The following ZRANB3 variants were observed in gnomAD, a reference collection of about 807,000 sequenced individuals.
ZRANB3 encodes the protein zinc finger RANBP2-type containing 3.
A neutral mutation model predicts 133.8 loss-of-function variants in ZRANB3; 125 were observed. That is an observed-to-expected ratio of 0.93 (90% CI 0.81 to 1.08). ZRANB3 has a LOEUF of 1.08. Among genes scored for constraint, ZRANB3 ranks in the 50% least tolerant of loss-of-function variants. The pLI is 0.00. For synonymous variants in ZRANB3, 387 were observed against 432.7 expected (o/e 0.89, Z 1.31); for missense variants, 1,229 against 1,275.5 (o/e 0.96, Z 0.56).
At chr2:135,504,892 C>T (rs1486458065) in intron 1 of ZRANB3, among the ~76,000 whole-genome samples, 1 of 152,208 alleles carries the variant, frequency 6.6e-6, no homozygotes, top group Non-Finnish European at 1.5e-5. Flanking sequence ...TATGGATCCA[C>T]ATTTTCATAT....
At chr2:135,265,984 C>T (rs929760656) in intron 11 of ZRANB3, among the ~76,000 whole-genome samples, 4 of 151,972 alleles carry the variant, frequency 2.6e-5, no homozygotes, top group African/African-American at 4.8e-5. Context: ...CCAAGGGGGG[C>T]GATCACCTGA....
intron 6 of ZRANB3, among the ~76,000 whole-genome samples, chr2:135,343,916 TG>T: frequency 6.6e-6 from 1 of 151,120 alleles, no homozygotes. Context: ...GACACTAAGC[TG>T]GTGGAAATAT....
At chr2:135,257,854 C>T (rs542992737) in intron 12 of ZRANB3, among the ~76,000 whole-genome samples, 1 of 152,280 alleles carries the variant, frequency 6.6e-6, no homozygotes, top group South Asian at 2.1e-4. Context: ...GAGAACAGAC[C>T]TTGAAGCAGA....
At chr2:135,231,613 A>C (rs990048689) in intron 12 of ZRANB3, among the ~76,000 whole-genome samples, 10 of 152,086 alleles carry the variant, frequency 6.6e-5, no homozygotes, top group Non-Finnish European at 2.9e-5. Context: ...ACACAAAAAA[A>C]CAAAAAACAA....
intron 2 of ZRANB3, among the ~76,000 whole-genome samples, chr2:135,408,795 A>G (rs1362849246): frequency 6.6e-6 from 1 of 151,928 alleles, no homozygotes; most frequent in East Asian, 1.9e-4. Context: ...TGGAGACAGG[A>G]AGGGGAACAT....
rs112863990 is a variant in ZRANB3, at chr2:135,339,754, T to A, written c.677+5796A>T. 3.7e-4 allele frequency among the ~76,000 whole-genome samples: 57 copies of A among 152,384 alleles called. 1 individual carries two copies. The highest frequency in any genetic ancestry group is 1.2e-3 in the African/African-American group (52 of 41,602). On this transcript the variant is annotated intron_variant, in intron 6 of 20. Coordinates refer to ENST00000264159, the MANE Select transcript of ZRANB3 (RefSeq NM_032143.4). ...TTCAATTTAAATTCCTCTTATCAAT[T>A]AGATTTATGCAGTTAAAACCTATTT... is the stretch of plus-strand genomic sequence containing the variant.
At chr2:135,258,707 C>A (rs1679787974) in intron 12 of ZRANB3, among the ~76,000 whole-genome samples, 1 of 152,114 alleles carries the variant, frequency 6.6e-6, no homozygotes, top group African/African-American at 2.4e-5. Flanking sequence ...ATAATAATTA[C>A]AAAGTGCTTT....
intron 5 of ZRANB3, among the ~76,000 whole-genome samples, chr2:135,347,510 C>A (rs1684995637): frequency 6.6e-6 from 1 of 152,032 alleles, no homozygotes; most frequent in Non-Finnish European, 1.5e-5. Context: ...TCTTGATCTC[C>A]TGACCTCGTG....
chr2:135,457,050 A>G (rs1437401350), intron 2 of ZRANB3, among the ~76,000 whole-genome samples: 5 of 152,214 alleles, frequency 3.3e-5, no homozygotes, highest in African/African-American at 1.2e-4. Flanking sequence ...ATTCCAGGAC[A>G]TTTCATAAAT....
At chr2:135,309,181 C>T (rs1573882554) in intron 8 of ZRANB3, among the ~76,000 whole-genome samples, 1 of 151,956 alleles carries the variant, frequency 6.6e-6, no homozygotes, top group East Asian at 1.9e-4. Flanking sequence ...CGGGGTTTCA[C>T]CGTGTTAGCC....
chr2:135,323,369 T>A (rs1683637122), intron 6 of ZRANB3, among the ~76,000 whole-genome samples: 1 of 152,138 alleles, frequency 6.6e-6, no homozygotes, highest in Non-Finnish European at 1.5e-5. Context: ...GGGGACACAA[T>A]CTAATTGTTA....
intron 2 of ZRANB3, among the ~76,000 whole-genome samples, chr2:135,416,985 T>C (rs1688608218): frequency 6.6e-6 from 1 of 152,128 alleles, no homozygotes; most frequent in African/African-American, 2.4e-5. Context: ...CTTACCACGT[T>C]AGACCTAAAA....
chr2:135,486,808 C>T (rs563294239), intron 2 of ZRANB3, among the ~76,000 whole-genome samples: 3 of 152,240 alleles, frequency 2.0e-5, no homozygotes, highest in South Asian at 4.1e-4. Flanking sequence ...CCACTGCACC[C>T]GGTCCCCTCT....
chr2:135,510,477 G>C (rs534461904), intron 1 of ZRANB3: 14 of 530,550 alleles, frequency 2.6e-5, no homozygotes, highest in Middle Eastern at 9.2e-4. Flanking sequence ...GATACCAAAG[G>C]CTGGTCAAAG....
chr2:135,198,795 C>T lies in ZRANB3; in HGVS notation c.*1547G>A, dbSNP rs1233882966. Reference sequence around the variant, plus strand: ...CCAACTTCATTTATAAAATAACCAACATGACTTGATCTCATACAATGAAAT... The same window carrying T: ...CCAACTTCATTTATAAAATAACCAATATGACTTGATCTCATACAATGAAAT... On this transcript the variant is annotated 3_prime_UTR_variant, in exon 21 of 21. Transcript: ENST00000264159. 1 of 152,214 alleles carries T rather than the reference C, an allele frequency of 6.6e-6. No homozygotes were observed. The highest frequency in any genetic ancestry group is 1.5e-5 in the Non-Finnish European group (1 of 68,026). 9.4% of individuals were successfully genotyped at this position (152,214 alleles called of 1,614,324 possible). A position where few individuals can be genotyped will look rare whatever the true frequency, so the allele number is the denominator to read the frequency against.
At chr2:135,301,780 A>G (rs1389270756) in intron 8 of ZRANB3, among the ~76,000 whole-genome samples, 1 of 152,116 alleles carries the variant, frequency 6.6e-6, no homozygotes, top group Non-Finnish European at 1.5e-5. Flanking sequence ...ATGTACTTTC[A>G]TAAGCATCCT....
chr2:135,342,066 TACCTTTTGAAAATCGCTAATA>T, intron 6 of ZRANB3, among the ~76,000 whole-genome samples: 1 of 150,052 alleles, frequency 6.7e-6, no homozygotes, highest in Non-Finnish European at 1.5e-5. Flanking sequence ...GTACACTCCC[TACCTTTTGAAAATCGCTAATA>T]AAAACTTGCT....
intron 3 of ZRANB3, among the ~76,000 whole-genome samples, chr2:135,387,195 T>C (rs1425037869): frequency 6.6e-6 from 1 of 152,030 alleles, no homozygotes; most frequent in Admixed American, 6.5e-5. Context: ...GTAAAATTGC[T>C]CTCCCAAGGC....
chr2:135,244,688 G>C (rs1030518574), intron 12 of ZRANB3, among the ~76,000 whole-genome samples: 1 of 151,960 alleles, frequency 6.6e-6, no homozygotes, highest in Non-Finnish European at 1.5e-5. Flanking sequence ...AATTCTCAGG[G>C]CCTTCAAATA....
Sources: allele counts gnomAD v4.1 joint callset (sites outside exome capture counted in the v4.1 genomes callset), GRCh38; gene constraint gnomAD v4.1.1; transcripts MANE v1.5; gene names NCBI Gene and HGNC (gene_info 2026-07-23, HGNC 2026-07-21).